GPBP1: variants seen among roughly 807,000 people sequenced by gnomAD.
GPBP1 encodes the protein vasculin.
GPBP1 carries 13 observed loss-of-function variants against 56.5 expected under a neutral mutation model. The observed-to-expected ratio is 0.23, with a 90% CI of 0.15 to 0.37. The LOEUF (loss-of-function observed/expected upper bound fraction) is 0.37, where lower values mean the gene tolerates loss of function less well. Among genes scored for constraint, GPBP1 ranks in the 10% least tolerant of loss-of-function variants. The probability of loss-of-function intolerance (pLI) is 1.00; values close to 1 mark genes in which losing one functional copy is unlikely to be tolerated. For missense variants in GPBP1, 477 were observed against 572.3 expected, an observed-to-expected ratio of 0.83 and a Z score of 1.70; for synonymous variants, 204 against 188.9, an observed-to-expected ratio of 1.08 and a Z score of -0.66.
chr5:57,246,378 C>A lies in GPBP1; in HGVS notation c.557C>A (p.Ser186Tyr), dbSNP rs775995535. 2 of 1,613,350 alleles carry A rather than the reference C, an allele frequency of 1.2e-6. No homozygotes were observed. The change falls in exon 7 of 12, where the codon TCT becomes TAT. Residue 186 changes from serine (S) to tyrosine (Y), a missense_variant. Ser to Tyr is a moderately radical substitution (Grantham distance 144). Around this residue, in one of 2 missense-constraint regions of GPBP1, gnomAD observed 414 missense variants for 458.2 expected, o/e 0.90. Transcript: ENST00000506184. The part of the protein sequence containing the change: ...KKGNTKDLQL[S>Y]GFPVVGNLPS... ...GGTAATACAAAAGACTTACAGCTAT[C>A]TGGATTCCCAGTAGTAGGAAATCTT...
At chr5:57,226,059 A>C (rs1347863783) in intron 3 of GPBP1, among the ~76,000 whole-genome samples, 1 of 152,254 alleles carries the variant, frequency 6.6e-6, no homozygotes, top group East Asian at 1.9e-4. Flanking sequence ...CAAGTTTAAC[A>C]ACAGATCTTG....
At position 57,223,290 on chromosome 5, in the gene GPBP1, G is replaced by T. The variant is rs554142127; in HGVS notation, c.64-7556G>T. 5.1e-4 allele frequency among the ~76,000 whole-genome samples: 77 copies of T among 152,170 alleles called. 1 individual carries two copies. The highest frequency in any genetic ancestry group is 1.9e-3 in the African/African-American group (77 of 41,526). ...ATTTTTAGTAGAGACAGGTTTCACT[G>T]TGTTAGCCAGGATGGTCTTGATCTC... is the stretch of plus-strand genomic sequence containing the variant. On this transcript the variant is annotated intron_variant, in intron 3 of 11. Transcript: ENST00000506184.
intron 2 of GPBP1, among the ~76,000 whole-genome samples, chr5:57,192,962 T>C (rs941175994): frequency 1.3e-5 from 2 of 151,946 alleles, no homozygotes; most frequent in African/African-American, 2.4e-5. Flanking sequence ...TTTTCTTGTT[T>C]TGAAAAGAAG....
intron 3 of GPBP1, among the ~76,000 whole-genome samples, chr5:57,229,230 CAAAAAAAAAAAAAAAAAAAAAAAAAAAA>C (rs543005934): frequency 1.3e-5 from 1 of 77,426 alleles, no homozygotes; most frequent in Non-Finnish European, 2.8e-5. Context: ...GACTCCATCT[CAAAAAAAAAAAAAAAAAAAAAAAAAAAA>C]AAAAAAAAAG....
chr5:57,260,965 G>C (rs1741870110), intron 10 of GPBP1, among the ~76,000 whole-genome samples: 1 of 152,150 alleles, frequency 6.6e-6, no homozygotes, highest in African/African-American at 2.4e-5. Context: ...AGCAGTCAAG[G>C]AGTTCATTCT....
intron 10 of GPBP1, among the ~76,000 whole-genome samples, chr5:57,255,201 C>A (rs370625659): frequency 8.3e-6 from 1 of 120,650 alleles, no homozygotes; most frequent in Non-Finnish European, 1.9e-5. Context: ...CTCTTCTCTC[C>A]CCTTCTCTTT....
chr5:57,184,866 A>G (rs1175857857), intron 2 of GPBP1, among the ~76,000 whole-genome samples: 1 of 152,212 alleles, frequency 6.6e-6, no homozygotes, highest in Non-Finnish European at 1.5e-5. Flanking sequence ...AAGGAATTAT[A>G]CAGTGGATTA....
chr5:57,193,805 A>G (rs993783700), intron 2 of GPBP1, among the ~76,000 whole-genome samples: 1 of 152,138 alleles, frequency 6.6e-6, no homozygotes, highest in Non-Finnish European at 1.5e-5. Context: ...GAAAAAAACA[A>G]AACAGTTTAT....
intron 11 of GPBP1, among the ~76,000 whole-genome samples, chr5:57,261,655 T>G (rs1561382337): frequency 6.6e-6 from 1 of 152,178 alleles, no homozygotes; most frequent in Non-Finnish European, 1.5e-5. Context: ...CCTTTTTTGT[T>G]TTGTTTTTTG....
chr5:57,216,495 G>A (rs1389607770), intron 3 of GPBP1, among the ~76,000 whole-genome samples: 8 of 152,180 alleles, frequency 5.3e-5, no homozygotes, highest in Non-Finnish European at 1.2e-4. Flanking sequence ...GCACAGGTGG[G>A]CAGATCACTT....
At chr5:57,240,494 T>C (rs1479226949) in intron 6 of GPBP1, among the ~76,000 whole-genome samples, 3 of 152,232 alleles carry the variant, frequency 2.0e-5, no homozygotes, top group African/African-American at 7.2e-5. Context: ...TTTTGAAATA[T>C]CTGCCACAGG....
chr5:57,248,024 G>A (rs1216646512), intron 8 of GPBP1, among the ~76,000 whole-genome samples: 6 of 152,150 alleles, frequency 3.9e-5, no homozygotes, highest in African/African-American at 1.4e-4. Flanking sequence ...TTACAGGCAT[G>A]ATCCACCACA....
chr5:57,251,653 C>T (rs1385864938), intron 10 of GPBP1, among the ~76,000 whole-genome samples: 1 of 150,274 alleles, frequency 6.7e-6, no homozygotes, highest in African/African-American at 2.5e-5. Context: ...TGTGAACATT[C>T]ATATATAAGT....
chr5:57,183,381 AACAT>A (rs1002461178), intron 2 of GPBP1, among the ~76,000 whole-genome samples: 24 of 152,102 alleles, frequency 1.6e-4, no homozygotes, highest in African/African-American at 5.6e-4. Context: ...AATAAATAAA[AACAT>A]ACATACATAC....
intron 2 of GPBP1, among the ~76,000 whole-genome samples, chr5:57,179,744 G>A (rs926867025): frequency 4.6e-5 from 7 of 151,998 alleles, no homozygotes; most frequent in Non-Finnish European, 4.4e-5. Context: ...GGGATTACCC[G>A]CATGTGCCAC....
intron 7 of GPBP1, 39 bp from the exon 8 acceptor site, chr5:57,247,036 G>A: frequency 1.9e-6 from 3 of 1,578,632 alleles, no homozygotes; most frequent in Non-Finnish European, 2.6e-6. Flanking sequence ...CCTGTAACCT[G>A]TTTTTGATAG....
At chr5:57,226,049 CAA>C (rs1403501988) in intron 3 of GPBP1, among the ~76,000 whole-genome samples, 1 of 152,192 alleles carries the variant, frequency 6.6e-6, no homozygotes, top group East Asian at 1.9e-4. Context: ...TAATCCAAAT[CAA>C]GTTTAACAAC....
chr5:57,246,443 T>C lies in GPBP1; in HGVS notation c.622T>C (p.Tyr208His). 6.2e-7 allele frequency: 1 copy of C among 1,612,808 alleles called. No individual in the cohort carries two copies. Among genetic ancestry groups the C allele is most frequent in the Non-Finnish European group, 8.5e-7 (1 of 1,179,442 alleles). The change falls in exon 7 of 12, where the codon TAT becomes CAT. Residue 208 changes from tyrosine to histidine, a missense_variant. Tyr to His is a moderately conservative substitution (Grantham distance 83). This residue lies in a region of GPBP1 where 414 missense variants were observed against 458.2 expected (regional missense o/e 0.90). Coordinates refer to ENST00000506184, the MANE Select transcript of GPBP1 (RefSeq NM_022913.4). ...PVKNGTGPSV[Y>H]KGLVPKPAAP... Reference sequence around the variant, plus strand: ...TAAGAATGGAACTGGTCCAAGTGTTTATAAAGGTTTAGTCCCTAAACCTGC... The same window carrying C: ...TAAGAATGGAACTGGTCCAAGTGTTCATAAAGGTTTAGTCCCTAAACCTGC...
intron 2 of GPBP1, among the ~76,000 whole-genome samples, chr5:57,202,056 C>T (rs1299097201): frequency 1.3e-5 from 2 of 152,090 alleles, no homozygotes; most frequent in Non-Finnish European, 2.9e-5. Context: ...TGTAATGGAG[C>T]GATCATTGCT....
Sources: allele counts gnomAD v4.1 joint callset (sites outside exome capture counted in the v4.1 genomes callset), GRCh38; gene constraint gnomAD v4.1.1; regional missense constraint gnomAD v4.1.1; transcripts MANE v1.5; gene names NCBI Gene and HGNC (gene_info 2026-07-23, HGNC 2026-07-21).